The following VPS54 variants were observed in gnomAD, a reference collection of about 807,000 sequenced individuals.
VPS54 encodes the protein vacuolar protein sorting-associated protein 54.
Under a neutral mutation model 121.5 loss-of-function variants are expected in VPS54, and 45 were observed. That is an observed-to-expected ratio of 0.37 (90% CI 0.29 to 0.47). The LOEUF is 0.47. Ranked by LOEUF, VPS54 falls within the 20% of genes least tolerant of loss-of-function variation. VPS54 has a pLI of 0.99. For missense variants in VPS54, 1,090 were observed against 1,131.4 expected (o/e 0.96, Z 0.52); for synonymous variants, 371 against 385.8 (o/e 0.96, Z 0.45).
chr2:63,916,008 A>G (rs980475966), intron 16 of VPS54, among the ~76,000 whole-genome samples: 8 of 152,306 alleles, frequency 5.3e-5, no homozygotes, highest in African/African-American at 1.9e-4. Flanking sequence ...GGTGGTGGTC[A>G]TTTCAAAAAA....
At chr2:63,990,334 C>CA (rs201491115) in intron 1 of VPS54, among the ~76,000 whole-genome samples, 11,048 of 152,054 alleles carry the variant, frequency 0.073, 845 homozygotes, top group African/African-American at 0.19. Flanking sequence ...GGCCACGACT[C>CA]AGACAGCCCG....
intron 1 of VPS54, among the ~76,000 whole-genome samples, chr2:63,987,151 T>C (rs1316105882): frequency 2.0e-5 from 3 of 152,234 alleles, no homozygotes; most frequent in Admixed American, 6.5e-5. Flanking sequence ...CTCACTTCAA[T>C]GACCTGGACA....
intron 11 of VPS54, among the ~76,000 whole-genome samples, chr2:63,939,294 C>T (rs1377988785): frequency 6.6e-6 from 1 of 152,000 alleles, no homozygotes; most frequent in Non-Finnish European, 1.5e-5. Flanking sequence ...ATCACTTGAT[C>T]CTGGGAGGCA....
At chr2:63,929,449 G>A (rs1007950084) in intron 12 of VPS54, among the ~76,000 whole-genome samples, 3 of 152,092 alleles carry the variant, frequency 2.0e-5, no homozygotes, top group African/African-American at 7.2e-5. Context: ...CAGAAACAAA[G>A]ATGTTCTTTG....
intron 4 of VPS54, among the ~76,000 whole-genome samples, chr2:63,969,779 ATCTTT>A (rs910229827): frequency 6.6e-6 from 1 of 152,204 alleles, no homozygotes; most frequent in Non-Finnish European, 1.5e-5. Context: ...CTGCTGTGCT[ATCTTT>A]TCAAGTTTTG....
intron 1 of VPS54, among the ~76,000 whole-genome samples, chr2:63,990,884 CCTT>C (rs1277352797): frequency 4.6e-5 from 7 of 152,154 alleles, no homozygotes; most frequent in Non-Finnish European, 1.5e-5. Flanking sequence ...TCCTACTTCT[CCTT>C]ATGTTAAATG....
At chr2:63,909,186 A>G (rs1013830045) in intron 20 of VPS54, among the ~76,000 whole-genome samples, 1 of 152,188 alleles carries the variant, frequency 6.6e-6, no homozygotes, top group Non-Finnish European at 1.5e-5. Context: ...ACATCCTGTC[A>G]TAGTTATTGA....
At chr2:63,938,843 T>C (rs1674585563) in intron 11 of VPS54, among the ~76,000 whole-genome samples, 1 of 152,212 alleles carries the variant, frequency 6.6e-6, no homozygotes, top group African/African-American at 2.4e-5. Context: ...TTGTTAACAG[T>C]AGCACAATAG....
At position 63,920,566 on chromosome 2, in the gene VPS54, G is replaced by C. The variant is rs1673594649; in HGVS notation, c.1931C>G (p.Thr644Arg). Residue 644 changes from threonine to arginine, a missense_variant, in exon 14 of 23, where the codon ACA becomes AGA. Physicochemically the swap from Thr to Arg is moderately conservative, Grantham distance 71. Around this residue, in one of 2 missense-constraint regions of VPS54, gnomAD observed 801 missense variants for 757.0 expected, o/e 1.06. Coordinates refer to ENST00000272322, the MANE Select transcript of VPS54 (RefSeq NM_016516.3). ...GATCTGTTCGGTGTCTAAAATGAAT[G>C]TTTCCATTAATCTAGAAAGTGTTAT... ...EFITLSRLME[T>R]FILDTEQICG... The C allele has an allele frequency of 6.4e-7, 1 of 1,572,234 alleles. No individual in the cohort carries two copies. The highest frequency in any genetic ancestry group is 1.8e-5 in the Admixed American group (1 of 54,752).
intron 11 of VPS54, among the ~76,000 whole-genome samples, chr2:63,941,517 G>C (rs976217254): frequency 1.3e-5 from 2 of 152,138 alleles, no homozygotes. Context: ...GTAATCCACC[G>C]TGCCCAGCCT....
At chr2:63,912,455 A>G in intron 19 of VPS54, 30 bp from the exon 20 acceptor site, 1 of 1,611,080 alleles carries the variant, frequency 6.2e-7, no homozygotes, top group Non-Finnish European at 8.5e-7. Flanking sequence ...TTGTATTTTT[A>G]AGTCCCTGGG....
At chr2:63,955,451 T>C (rs773378110) in intron 7 of VPS54, among the ~76,000 whole-genome samples, 1 of 152,038 alleles carries the variant, frequency 6.6e-6, no homozygotes, top group Non-Finnish European at 1.5e-5. Context: ...GGGAGGTCCA[T>C]ATGACTGTAC....
At chr2:63,950,612 T>C (rs972732873) in intron 7 of VPS54, among the ~76,000 whole-genome samples, 1 of 152,170 alleles carries the variant, frequency 6.6e-6, no homozygotes, top group East Asian at 1.9e-4. Flanking sequence ...CTGGCAGCTG[T>C]TATTTATCTT....
chr2:63,990,678 C>T (rs1280095313), intron 1 of VPS54, among the ~76,000 whole-genome samples: 1 of 152,190 alleles, frequency 6.6e-6, no homozygotes, highest in Non-Finnish European at 1.5e-5. Context: ...TCTATGCCAA[C>T]TCTGTCTCAG....
intron 20 of VPS54, among the ~76,000 whole-genome samples, chr2:63,905,235 A>G (rs1286455933): frequency 6.6e-6 from 1 of 152,196 alleles, no homozygotes; most frequent in African/African-American, 2.4e-5. Context: ...AAGCAGAAAA[A>G]GAGCAGGAAA....
In VPS54 at chr2:63,962,083, C is replaced by T. The variant is rs778027180; in HGVS notation, c.985G>A (p.Glu329Lys). 2 of 1,578,368 alleles carry T rather than the reference C, an allele frequency of 1.3e-6. No individual in the cohort carries two copies. Among genetic ancestry groups the T allele is most frequent in the Non-Finnish European group, 1.7e-6 (2 of 1,155,094 alleles). The change falls in exon 7 of 23, where the codon GAA (glutamate) becomes AAA (lysine). Residue 329 changes from glutamate (E) to lysine (K), a missense_variant. Coordinates refer to ENST00000272322, the MANE Select transcript of VPS54 (RefSeq NM_016516.3). Reference protein sequence around the residue: ...IATTQEVLQQELQGIHSFRHL... With the variant: ...IATTQEVLQQKLQGIHSFRHL... ...CGGAAACTGTGAATGCCCTGAAGTT[C>T]CTGCTGTAGAACCTCTTGTGTTGTT...
At chr2:64,002,633 T>C (rs1429733501) in intron 1 of VPS54, among the ~76,000 whole-genome samples, 1 of 152,222 alleles carries the variant, frequency 6.6e-6, no homozygotes, top group Admixed American at 6.5e-5. Flanking sequence ...AACCTAGAAA[T>C]ATGCAGGGAG....
chr2:63,996,143 G>A (rs1429903403), intron 1 of VPS54, among the ~76,000 whole-genome samples: 4 of 152,232 alleles, frequency 2.6e-5, no homozygotes, highest in Non-Finnish European at 4.4e-5. Flanking sequence ...GTTGCAGGAA[G>A]TCAGGGACCC....
intron 20 of VPS54, among the ~76,000 whole-genome samples, chr2:63,901,611 C>A (rs1366154839): frequency 6.6e-6 from 1 of 152,190 alleles, no homozygotes; most frequent in East Asian, 1.9e-4. Flanking sequence ...CAAATGCCAT[C>A]ATCCATTTCC....
Sources: allele counts gnomAD v4.1 joint callset (sites outside exome capture counted in the v4.1 genomes callset), GRCh38; gene constraint gnomAD v4.1.1; regional missense constraint gnomAD v4.1.1; transcripts MANE v1.5; gene names NCBI Gene and HGNC (gene_info 2026-07-23, HGNC 2026-07-21).